The following ERFL variants were observed in gnomAD, a reference collection of about 807,000 sequenced individuals.
ERFL encodes the protein ETS domain-containing transcription factor ERF-like.
Under a neutral mutation model 27.9 loss-of-function variants are expected in ERFL, and 8 were observed. The observed-to-expected ratio is 0.29, with a 90% CI of 0.17 to 0.52. The LOEUF is 0.52. ERFL is among the 20% of genes least tolerant of loss of function. The pLI, the probability that ERFL is intolerant of heterozygous loss-of-function variation, is 0.97. For missense variants in ERFL, 294 were observed against 444.4 expected (o/e 0.66, Z 3.04); for synonymous variants, 174 against 202.8 (o/e 0.86, Z 1.21).
chr19:41,920,897 AC>A (rs1296532675), intron 1 of ERFL, among the ~76,000 whole-genome samples: 2 of 151,114 alleles, frequency 1.3e-5, no homozygotes, highest in African/African-American at 4.9e-5. Flanking sequence ...GGAGACCCAC[AC>A]CCCCCTCCCT....
rs1205776761 is a variant in ERFL at position 41,924,244 on chromosome 19, G to A, written c.-14+3796C>T. On this transcript the variant is annotated intron_variant, in intron 1 of 5. Transcript: ENST00000597630. ...GGAGGAGGTCACCTGAGGGGCAGAT[G>A]AGGGAGGTAAGGACACCTGGATGGC... is the stretch of plus-strand genomic sequence containing the variant. Among the ~76,000 whole-genome samples, 3 of 152,002 alleles carry A rather than the reference G, an allele frequency of 2.0e-5. No homozygotes were observed. In the East Asian group the frequency reaches 5.8e-4, roughly 29 times the overall value.
chr19:41,907,726 T>C lies in ERFL; in HGVS notation c.*502A>G. Reference sequence around the variant, plus strand: ...GAGTCTCACTCTCTGTTCTTTTATTTCTGTAGTAAACTCTCTGGAGGTGAC... The same window carrying C: ...GAGTCTCACTCTCTGTTCTTTTATTCCTGTAGTAAACTCTCTGGAGGTGAC... On this transcript the variant is annotated 3_prime_UTR_variant, in exon 6 of 6. Transcript: ENST00000597630. 4.1e-6 allele frequency: 1 copy of C among 244,600 alleles called. No homozygotes were observed. Among genetic ancestry groups the C allele is most frequent in the Non-Finnish European group, 7.8e-6 (1 of 127,708 alleles). The allele number at this position is 244,600 out of a possible 1,614,324, so 15.2% of individuals were successfully genotyped here.
At chr19:41,912,538 C>T (rs1162909680) in intron 2 of ERFL, among the ~76,000 whole-genome samples, 2 of 152,198 alleles carry the variant, frequency 1.3e-5, no homozygotes, top group African/African-American at 2.4e-5. Context: ...GCAGGTCCTG[C>T]GTGGGAGCAG....
At position 41,910,574 on chromosome 19, in the gene ERFL, A is replaced by AG. The variant is rs1347308114; in HGVS notation, c.68-478dup. 1.3e-5 allele frequency among the ~76,000 whole-genome samples: 2 copies of AG among 151,846 alleles called. No homozygotes were observed. The highest frequency in any genetic ancestry group is 2.9e-5 in the Non-Finnish European group (2 of 67,946). The stretch of plus-strand genomic sequence containing the variant: ...TGCTCCACCTTTCGACATTCCCCAG[A>AG]GCCCCCCACTGACCCATCCTGGCAT... On this transcript the variant is annotated intron_variant, in intron 2 of 5. Coordinates refer to ENST00000597630, the MANE Select transcript of ERFL (RefSeq NM_001365103.2). The surrounding 1 kb of genome is among the most constrained non-coding windows in gnomAD (Gnocchi z 4.4).
In ERFL at chr19:41,917,613, G is replaced by A. The variant is rs187374017; in HGVS notation, c.-13-4681C>T. ...GGCCTAAGACCCTTCTGCCACCGCC[G>A]CCCCCGCATGCACACACCATGCCCC... On this transcript the variant is annotated intron_variant, in intron 1 of 5. Coordinates refer to ENST00000597630, the MANE Select transcript of ERFL (RefSeq NM_001365103.2). The surrounding 1 kb of genome is among the most constrained non-coding windows in gnomAD (Gnocchi z 4.8). Among the ~76,000 whole-genome samples the A allele has an allele frequency of 1.1e-4, 16 of 151,500 alleles. No individual in the cohort carries two copies. Among genetic ancestry groups the A allele is most frequent in the African/African-American group, 2.7e-4 (11 of 41,194 alleles).
At position 41,916,967 on chromosome 19, in the gene ERFL, C is replaced by T. The variant is rs1465971559; in HGVS notation, c.-13-4035G>A. 6.6e-6 allele frequency among the ~76,000 whole-genome samples: 1 copy of T among 152,160 alleles called. No homozygotes were observed. Among genetic ancestry groups the T allele is most frequent in the Non-Finnish European group, 1.5e-5 (1 of 68,024 alleles). ...GCTCCCACCATCCCCATCTGTCTGC[C>T]TGTCCCTCCATCTGTGAACTTCCCA... On this transcript the variant is annotated intron_variant, in intron 1 of 5. Coordinates refer to ENST00000597630, the MANE Select transcript of ERFL (RefSeq NM_001365103.2). This position sits in a 1 kb window ranked among gnomAD's most constrained non-coding sequence, Gnocchi z 5.4.
chr19:41,915,870 G>A (rs1013597032), intron 1 of ERFL, among the ~76,000 whole-genome samples: 32 of 152,272 alleles, frequency 2.1e-4, no homozygotes, highest in Non-Finnish European at 3.5e-4. Flanking sequence ...CAGGACGGCC[G>A]GACAGATGGA....
chr19:41,918,323 A>G (rs1399738907), intron 1 of ERFL, among the ~76,000 whole-genome samples: 1 of 151,324 alleles, frequency 6.6e-6, no homozygotes, highest in Non-Finnish European at 1.5e-5. Flanking sequence ...CACACCACAT[A>G]CACACACACG....
intron 2 of ERFL, among the ~76,000 whole-genome samples, chr19:41,912,406 GGGTCTC>G (rs1211896210): frequency 6.6e-6 from 1 of 152,206 alleles, no homozygotes; most frequent in Non-Finnish European, 1.5e-5. Context: ...CCTCTTTCCT[GGGTCTC>G]GGTCTGGCCG....
intron 1 of ERFL, among the ~76,000 whole-genome samples, chr19:41,915,363 C>A (rs920509396): frequency 4.6e-5 from 7 of 151,392 alleles, no homozygotes; most frequent in African/African-American, 1.7e-4. Context: ...GACCTGGACC[C>A]CTCGCCCTTG....
rs551573978 is a variant in ERFL at position 41,921,870 on chromosome 19, C to T, written c.-14+6170G>A. Among the ~76,000 whole-genome samples the T allele has an allele frequency of 1.3e-5, 2 of 151,900 alleles. No homozygotes were observed. Among genetic ancestry groups the T allele is most frequent in the Admixed American group, 6.5e-5 (1 of 15,274 alleles). On this transcript the variant is annotated intron_variant, in intron 1 of 5. Coordinates refer to ENST00000597630, the MANE Select transcript of ERFL (RefSeq NM_001365103.2). This position sits in a 1 kb window ranked among gnomAD's most constrained non-coding sequence, Gnocchi z 4.4. ...TCCGACCCATCCCAGCTTCAAAGCC[C>T]ACCCTACCCCTCCTCCTCCTCATCT...
chr19:41,919,512 T>TAC (rs60525805), intron 1 of ERFL, among the ~76,000 whole-genome samples: 28,143 of 146,478 alleles, frequency 0.19, 5,051 homozygotes, highest in African/African-American at 0.48. Context: ...CGTGCACGCG[T>TAC]ACACACACAC....
At chr19:41,918,329 A>T (rs2074814780) in intron 1 of ERFL, among the ~76,000 whole-genome samples, 1 of 150,566 alleles carries the variant, frequency 6.6e-6, no homozygotes, top group Admixed American at 6.6e-5. Context: ...ACATACACAC[A>T]CACGGTACAC....
chr19:41,909,100 A>T lies in ERFL; in HGVS notation c.576T>A (p.Asp192Glu). 8.1e-7 allele frequency: 1 copy of T among 1,231,522 alleles called. No homozygotes were observed. Among genetic ancestry groups the T allele is most frequent in the East Asian group, 3.2e-5 (1 of 31,670 alleles). 76.3% of individuals were successfully genotyped at this position (1,231,522 alleles called of 1,614,324 possible). A position where few individuals can be genotyped will look rare whatever the true frequency, so the allele number is the denominator to read the frequency against. ...ARTPLFTSETDKLRLDSPFPF... is the reference protein window; with the variant it reads ...ARTPLFTSETEKLRLDSPFPF... ...GGAAAGGGCTGTCCAGACGCAATTT[A>T]TCTGTCTCGGAGGTGAACAGGGGTG... Residue 192 changes from aspartate (D) to glutamate (E), a missense_variant, in exon 5 of 6, where the codon GAT becomes GAA. Asp to Glu is a conservative substitution (Grantham distance 45). This residue lies in a region of ERFL where 246 missense variants were observed against 371.4 expected (regional missense o/e 0.66). Transcript: ENST00000597630. This position sits in a 1 kb window ranked among gnomAD's most constrained non-coding sequence, Gnocchi z 5.2.
Position 41,908,684 on chromosome 19 carries a change from G to A in ERFL, c.617-8C>T. 8.1e-7 allele frequency: 1 copy of A among 1,229,148 alleles called. No individual in the cohort carries two copies. Among genetic ancestry groups the A allele is most frequent in the Non-Finnish European group, 1.0e-6 (1 of 985,714 alleles). The allele number at this position is 1,229,148 out of a possible 1,614,324, so 76.1% of individuals were successfully genotyped here. On this transcript the variant is annotated splice_region_variant and splice_polypyrimidine_tract_variant and intron_variant, in intron 5 of 5. Transcript: ENST00000597630. This position sits in a 1 kb window ranked among gnomAD's most constrained non-coding sequence, Gnocchi z 6.7. The stretch of plus-strand genomic sequence containing the variant: ...TGGAATAGCTGGTGGCACCTGGGGG[G>A]CACAGGGGTAGGTCAGGCTGGGGCA...
At chr19:41,911,433 G>A (rs531748958) in intron 2 of ERFL, among the ~76,000 whole-genome samples, 17 of 152,314 alleles carry the variant, frequency 1.1e-4, no homozygotes, top group African/African-American at 3.6e-4. Context: ...GACCAGCATC[G>A]CCGTGTCCAC....
In ERFL at chr19:41,916,390, T is replaced by C. The variant is rs181122929; in HGVS notation, c.-13-3458A>G. Among the ~76,000 whole-genome samples, 1 of 151,882 alleles carries C rather than the reference T, an allele frequency of 6.6e-6. No individual in the cohort carries two copies. Among genetic ancestry groups the C allele is most frequent in the East Asian group, 1.9e-4 (1 of 5,146 alleles). On this transcript the variant is annotated intron_variant, in intron 1 of 5. Coordinates refer to ENST00000597630, the MANE Select transcript of ERFL (RefSeq NM_001365103.2). This position sits in a 1 kb window ranked among gnomAD's most constrained non-coding sequence, Gnocchi z 5.4. ...CACATCACACAGATGCATGTGTCAG[T>C]AAAGTCACACACCAACACTGTCACA...
intron 1 of ERFL, chr19:41,923,348 G>T: frequency 2.8e-6 from 1 of 356,702 alleles, no homozygotes. Flanking sequence ...TCCAGGATAT[G>T]GAGAAACTGA....
chr19:41,920,724 C>G (rs1160478600), intron 1 of ERFL, among the ~76,000 whole-genome samples: 3 of 152,246 alleles, frequency 2.0e-5, no homozygotes, highest in Admixed American at 1.3e-4. Flanking sequence ...CACACACACA[C>G]TCGGTCTTCT....
Sources: gnomAD v4.1 joint callset for allele counts (sites outside exome capture counted in the v4.1 genomes callset) on GRCh38, gnomAD v4.1.1 for gene constraint, gnomAD v4.1.1 regional missense constraint, Gnocchi (gnomAD v3.1) non-coding constraint, MANE v1.5 for transcripts, NCBI Gene and HGNC (gene_info 2026-07-23, HGNC 2026-07-21) for gene names.